SLC39A12: variants seen among roughly 807,000 people sequenced by gnomAD.
SLC39A12 encodes solute carrier family 39 member 12, also known as zinc transporter ZIP12.
Under a neutral mutation model 71.1 loss-of-function variants are expected in SLC39A12, and 63 were observed. The observed-to-expected ratio is 0.89, with a 90% CI of 0.72 to 1.09. The LOEUF is 1.09. Among genes scored for constraint, SLC39A12 ranks in the 50% least tolerant of loss-of-function variants. SLC39A12 has a pLI of 0.00. For missense variants in SLC39A12, 892 were observed against 812.6 expected, an observed-to-expected ratio of 1.10 and a Z score of -1.19; for synonymous variants, 351 against 301.3, an observed-to-expected ratio of 1.16 and a Z score of -1.71.
chr10:17,963,647 G>A (rs557550089), intron 3 of SLC39A12, among the ~76,000 whole-genome samples: 5 of 152,236 alleles, frequency 3.3e-5, no homozygotes, highest in African/African-American at 9.6e-5. Context: ...GATTCTCTAG[G>A]AAGTCAATCA....
At position 18,027,334 on chromosome 10, in the gene SLC39A12, A is replaced by G. The variant is rs191924540; in HGVS notation, c.1948-15371A>G. 1.4e-3 allele frequency among the ~76,000 whole-genome samples: 209 copies of G among 152,092 alleles called. 1 individual carries two copies. The highest frequency in any genetic ancestry group is 5.0e-3 in the African/African-American group (206 of 41,480). ...CCCAGGTGGATTAGGCTTTGATAAAACCCCAATAGGTTAGGTTCTGGTTAA... is the reference window on the plus strand; with the variant it reads ...CCCAGGTGGATTAGGCTTTGATAAAGCCCCAATAGGTTAGGTTCTGGTTAA... On this transcript the variant is annotated intron_variant, in intron 12 of 12. Transcript: ENST00000377369.
chr10:17,990,661 A>G (rs1247134338), intron 7 of SLC39A12, among the ~76,000 whole-genome samples: 1 of 152,206 alleles, frequency 6.6e-6, no homozygotes, highest in Non-Finnish European at 1.5e-5. Context: ...CAAAGGAACA[A>G]GTTCTTCACG....
At chr10:17,981,018 C>T (rs1327115400) in intron 5 of SLC39A12, among the ~76,000 whole-genome samples, 1 of 152,000 alleles carries the variant, frequency 6.6e-6, no homozygotes, top group Non-Finnish European at 1.5e-5. Flanking sequence ...GTTAGAACAC[C>T]ACTCAACACA....
intron 4 of SLC39A12, among the ~76,000 whole-genome samples, chr10:17,977,477 T>C (rs1444526493): frequency 2.0e-5 from 3 of 152,224 alleles, no homozygotes; most frequent in Admixed American, 1.3e-4. Flanking sequence ...GGGAAACTAA[T>C]CTGTGATCTT....
At chr10:18,025,388 C>A (rs968682284) in intron 12 of SLC39A12, among the ~76,000 whole-genome samples, 39 of 152,150 alleles carry the variant, frequency 2.6e-4, no homozygotes, top group African/African-American at 9.4e-4. Flanking sequence ...CCTCCCTCCC[C>A]CCACCTCACA....
chr10:17,961,707 T>C lies in SLC39A12; in HGVS notation c.388T>C (p.Ser130Pro), dbSNP rs1834694183. The C allele has an allele frequency of 6.2e-7, 1 of 1,613,996 alleles. No homozygotes were observed. The highest frequency in any genetic ancestry group is 1.3e-5 in the African/African-American group (1 of 74,930). ...CATTATTCATCAGGAAGAGATCTGT[T>C]CTTCAAAGCTCAACATGAGTAATAA... ...YYIIHQEEIC[S>P]SKLNMSNKEY... is the part of the protein sequence containing the mutation. Residue 130 changes from serine (S) to proline (P), a missense_variant, in exon 3 of 13, where the codon TCT becomes CCT. Transcript: ENST00000377369.
chr10:18,002,343 C>G (rs917224420), intron 11 of SLC39A12: 7 of 152,124 alleles, frequency 4.6e-5, no homozygotes, highest in African/African-American at 1.5e-4. Context: ...CCAAGGTCCT[C>G]CCTGGGCTCA....
intron 6 of SLC39A12, among the ~76,000 whole-genome samples, chr10:17,986,816 G>A (rs1158906430): frequency 6.6e-6 from 1 of 152,122 alleles, no homozygotes; most frequent in Non-Finnish European, 1.5e-5. Flanking sequence ...GACTAGCCCA[G>A]GTAATACAGT....
intron 1 of SLC39A12, among the ~76,000 whole-genome samples, 158 bp from the exon 2 acceptor site, chr10:17,953,033 G>T (rs887946827): frequency 1.3e-5 from 2 of 152,110 alleles, no homozygotes; most frequent in African/African-American, 4.8e-5. Flanking sequence ...TACAGCCATG[G>T]TGCTTTCCTG....
chr10:17,994,190 C>T (rs1835626586), intron 9 of SLC39A12, among the ~76,000 whole-genome samples: 1 of 152,076 alleles, frequency 6.6e-6, no homozygotes, highest in Non-Finnish European at 1.5e-5. Flanking sequence ...TTAATACTGA[C>T]CTTATTCCTT....
At chr10:18,033,689 C>G (rs1429861147) in intron 12 of SLC39A12, among the ~76,000 whole-genome samples, 4 of 141,950 alleles carry the variant, frequency 2.8e-5, no homozygotes, top group African/African-American at 1.1e-4. Flanking sequence ...TTGCCTTCTG[C>G]TAGCTTTTGA....
chr10:18,018,672 G>C (rs1157264220), intron 12 of SLC39A12, among the ~76,000 whole-genome samples: 4 of 152,108 alleles, frequency 2.6e-5, no homozygotes, highest in Non-Finnish European at 5.9e-5. Flanking sequence ...TGATGTGATG[G>C]ATTATGTTAA....
chr10:18,035,623 C>T (rs1451751344), intron 12 of SLC39A12, among the ~76,000 whole-genome samples: 1 of 152,150 alleles, frequency 6.6e-6, no homozygotes, highest in South Asian at 2.1e-4. Flanking sequence ...GTAATTTGAT[C>T]ATCTGAAGCC....
intron 12 of SLC39A12, among the ~76,000 whole-genome samples, chr10:18,006,332 A>G (rs1589243881): frequency 6.6e-6 from 1 of 152,230 alleles, no homozygotes; most frequent in South Asian, 2.1e-4. Flanking sequence ...TTAATTCTCC[A>G]AAGTAGAATT....
At chr10:18,007,945 T>G (rs1226253193) in intron 12 of SLC39A12, among the ~76,000 whole-genome samples, 1 of 152,234 alleles carries the variant, frequency 6.6e-6, no homozygotes, top group Non-Finnish European at 1.5e-5. Context: ...CAGCCTCATT[T>G]TACCCAGCTC....
Position 17,961,838 on chromosome 10 carries a change from GT to G in SLC39A12, c.520del (p.Tyr174ThrfsTer21). ...TEDILAFTRQ[Y>X]FDTSQSQCME... ...AAGATATCTTGGCTTTCACCAGGCA[GT>G]ACTTTGACACTTCTCAAAGCCAGGT... On this transcript the variant is annotated frameshift_variant, in exon 3 of 13. Coordinates refer to ENST00000377369, the MANE Select transcript of SLC39A12 (RefSeq NM_001145195.2). LOFTEE classifies it high-confidence loss of function. 1.9e-6 allele frequency: 3 copies of G among 1,613,506 alleles called. No homozygotes were observed. Among genetic ancestry groups the G allele is most frequent in the Non-Finnish European group, 2.5e-6 (3 of 1,179,844 alleles).
In SLC39A12 at chr10:18,000,745, G is replaced by T. The variant is rs1835810629; in HGVS notation, c.1679G>T (p.Gly560Val). Residue 560 changes from glycine (G) to valine (V), a missense_variant, in exon 11 of 13, where the codon GGA (glycine) becomes GTA (valine). Transcript: ENST00000377369. ...LHNFADGLAI[G>V]AAFSSSSESG... is the part of the protein sequence containing the mutation. Reference sequence around the variant, plus strand: ...AATTTTGCAGATGGCCTAGCCATAGGAGCAGCCTTCTCATCATCATCCGAG... The same window carrying T: ...AATTTTGCAGATGGCCTAGCCATAGTAGCAGCCTTCTCATCATCATCCGAG... 2.5e-6 allele frequency: 4 copies of T among 1,614,022 alleles called. No homozygotes were observed. Among genetic ancestry groups the T allele is most frequent in the South Asian group, 1.1e-5 (1 of 91,086 alleles).
At position 17,961,971 on chromosome 10, in the gene SLC39A12, A is replaced by G. The variant is rs1834703130; in HGVS notation, c.543+109A>G. 4.3e-6 allele frequency: 5 copies of G among 1,170,094 alleles called. No homozygotes were observed. In the Admixed American group the frequency reaches 1.3e-4, roughly 31 times the overall value. The allele number at this position is 1,170,094 out of a possible 1,614,324, so 72.5% of individuals were successfully genotyped here. ...ACATTCAAGGACTTCTAAGGGAGGT[A>G]AGTATTTGTGGGTTTTGGTTATGAG... On this transcript the variant is annotated intron_variant, in intron 3 of 12. Transcript: ENST00000377369.
rs1835887231 is a variant in SLC39A12, at chr10:18,003,259, A to G, written c.1848A>G (p.Gly616=). The stretch of plus-strand genomic sequence containing the variant: ...TAAGCTCCCTAACTGCCTTCATGGG[A>G]TTATACATTGGCCTTTCCGTGTCAG... ...NFISSLTAFM[G]LYIGLSVSAD... is the part of the protein sequence containing the mutation. The change falls in exon 12 of 13, where the codon GGA becomes GGG. Residue 616 remains glycine (G), a synonymous_variant. Transcript: ENST00000377369. The G allele has an allele frequency of 6.2e-7, 1 of 1,614,078 alleles. No individual in the cohort carries two copies. The highest frequency in any genetic ancestry group is 1.3e-5 in the African/African-American group (1 of 75,024).
Sources: allele counts gnomAD v4.1 joint callset (sites outside exome capture counted in the v4.1 genomes callset), GRCh38; gene constraint gnomAD v4.1.1; transcripts MANE v1.5; gene names NCBI Gene and HGNC (gene_info 2026-07-23, HGNC 2026-07-21).